CECR2: variants seen among roughly 807,000 people sequenced by gnomAD.
CECR2 encodes chromatin remodeling regulator CECR2.
In CECR2, 30 loss-of-function variants were observed where a neutral mutation model predicts 154.5. The observed-to-expected ratio is 0.19, with a 90% CI of 0.15 to 0.26. CECR2 has a LOEUF of 0.26. CECR2 is among the 10% of genes least tolerant of loss of function. CECR2 has a pLI of 1.00. For synonymous variants in CECR2, 725 were observed against 683.7 expected, an observed-to-expected ratio of 1.06 and a Z score of -0.94; for missense variants, 1,743 against 1,829.3, an observed-to-expected ratio of 0.95 and a Z score of 0.86.
intron 7 of CECR2, among the ~76,000 whole-genome samples, chr22:17,506,174 C>T (rs1005770363): frequency 3.3e-5 from 5 of 151,908 alleles, no homozygotes; most frequent in Admixed American, 2.6e-4. Flanking sequence ...GGGTCTTGCT[C>T]TATTTCCCAA....
intron 1 of CECR2, among the ~76,000 whole-genome samples, chr22:17,439,492 A>G (rs4819589): frequency 0.6 from 91,707 of 151,874 alleles, 29,153 homozygotes; most frequent in African/African-American, 0.82. Context: ...GGAACAATGG[A>G]CAAAGGATAT....
chr22:17,419,060 C>T (rs997020775), intron 1 of CECR2: 30 of 157,906 alleles, frequency 1.9e-4, no homozygotes, highest in Non-Finnish European at 3.8e-4. Flanking sequence ...ACGCGGATGA[C>T]GTGGCTGTCC....
At chr22:17,411,395 A>G (rs994064079) in intron 1 of CECR2, among the ~76,000 whole-genome samples, 2 of 152,220 alleles carry the variant, frequency 1.3e-5, no homozygotes, top group Admixed American at 6.5e-5. Context: ...GAACGAGTCC[A>G]TCAGTTCCTG....
intron 9 of CECR2, among the ~76,000 whole-genome samples, chr22:17,529,476 G>A (rs530307136): frequency 7.9e-5 from 12 of 152,282 alleles, no homozygotes; most frequent in Admixed American, 2.6e-4. Context: ...CGAAGTGGGC[G>A]AATCACGAGG....
chr22:17,402,044 C>G (rs776175005), intron 1 of CECR2, among the ~76,000 whole-genome samples: 2 of 152,124 alleles, frequency 1.3e-5, no homozygotes, highest in Admixed American at 1.3e-4. Flanking sequence ...AGTGCAGTAG[C>G]GCAGTCTCAG....
chr22:17,395,537 G>T (rs2053795655), intron 1 of CECR2, among the ~76,000 whole-genome samples: 1 of 152,030 alleles, frequency 6.6e-6, no homozygotes, highest in African/African-American at 2.4e-5. Context: ...TAGAGACAAG[G>T]TTTCACCATC....
intron 17 of CECR2, chr22:17,550,301 C>T: frequency 5.3e-6 from 1 of 188,918 alleles, no homozygotes; most frequent in Non-Finnish European, 1.1e-5. Context: ...GTGCCCGCCA[C>T]CACACCTGGC....
At chr22:17,475,750 G>C (rs1305189752) in intron 1 of CECR2, among the ~76,000 whole-genome samples, 1 of 152,136 alleles carries the variant, frequency 6.6e-6, no homozygotes, top group Non-Finnish European at 1.5e-5. Flanking sequence ...GGCTTGCCCA[G>C]TGCCCAGCTT....
chr22:17,505,864 A>G (rs1051843979), intron 7 of CECR2, among the ~76,000 whole-genome samples: 4 of 116,516 alleles, frequency 3.4e-5, no homozygotes, highest in Non-Finnish European at 6.8e-5. Context: ...TTTTTTAAGG[A>G]CAAGCTCTCT....
At chr22:17,426,569 C>T (rs1298502323) in intron 1 of CECR2, among the ~76,000 whole-genome samples, 1 of 152,204 alleles carries the variant, frequency 6.6e-6, no homozygotes, top group Non-Finnish European at 1.5e-5. Context: ...ATTGGCCAGG[C>T]TGGTCTCAAA....
chr22:17,448,328 C>T (rs1378787054), intron 1 of CECR2, among the ~76,000 whole-genome samples: 2 of 152,154 alleles, frequency 1.3e-5, no homozygotes, highest in East Asian at 1.9e-4. Context: ...AGTCTAGTTT[C>T]AACTTTGTTG....
intron 10 of CECR2, 143 bp from the exon 11 acceptor site, chr22:17,538,377 T>C (rs992690010): frequency 2.7e-5 from 20 of 732,148 alleles, no homozygotes; most frequent in Admixed American, 2.2e-5. Context: ...GGGAGTGTTA[T>C]CAGTGTCACA....
chr22:17,436,015 G>A (rs2054501613), intron 1 of CECR2, among the ~76,000 whole-genome samples: 1 of 152,118 alleles, frequency 6.6e-6, no homozygotes, highest in Non-Finnish European at 1.5e-5. Flanking sequence ...CTGGAGTGCA[G>A]TGGCACCATC....
intron 1 of CECR2, among the ~76,000 whole-genome samples, chr22:17,408,339 C>T (rs2054016718): frequency 6.6e-6 from 1 of 152,064 alleles, no homozygotes; most frequent in Admixed American, 6.6e-5. Flanking sequence ...GACTTCACAT[C>T]CCAACGTCTC....
chr22:17,549,076 T>G lies in CECR2; in HGVS notation c.3789T>G (p.Asp1263Glu), dbSNP rs1255571248. Residue 1263 changes from aspartate to glutamate, a missense_variant, in exon 17 of 19, where the codon GAT becomes GAG. Asp to Glu is a conservative substitution (Grantham distance 45). Coordinates refer to ENST00000262608, the MANE Select transcript of CECR2 (RefSeq NM_001290047.2). ...NAALTSPTRM[D>E]AVAAKVPNDG... ...CCTTAACTTCTCCAACCCGTATGGA[T>G]GCAGTGGCTGCTAAAGTCCCAAATG... 1 of 1,613,884 alleles carries G rather than the reference T, an allele frequency of 6.2e-7. No individual in the cohort carries two copies. Among genetic ancestry groups the G allele is most frequent in the African/African-American group, 1.3e-5 (1 of 74,936 alleles).
chr22:17,540,234 CAATATAA>C (rs3079569), intron 13 of CECR2, among the ~76,000 whole-genome samples, 171 bp from the exon 14 acceptor site: 9,168 of 152,246 alleles, frequency 0.06, 395 homozygotes, highest in Admixed American at 0.14. Context: ...CATAGCTCTA[CAATATAA>C]TGTGCCCTAA....
chr22:17,460,605 T>C (rs1288433088), intron 1 of CECR2, among the ~76,000 whole-genome samples: 1 of 152,234 alleles, frequency 6.6e-6, no homozygotes. Flanking sequence ...CTTCAGTTTC[T>C]TGCCCCATCA....
intron 1 of CECR2, among the ~76,000 whole-genome samples, chr22:17,447,733 G>A (rs1024798052): frequency 6.6e-6 from 1 of 152,160 alleles, no homozygotes; most frequent in African/African-American, 2.4e-5. Context: ...GTTCTCCGTG[G>A]CAGTTTTAGT....
chr22:17,369,173 C>G (rs2063023057), upstream of CECR2, among the ~76,000 whole-genome samples: 1 of 151,878 alleles, frequency 6.6e-6, no homozygotes, highest in Admixed American at 6.6e-5. Context: ...TGGGAGAGCT[C>G]CTGGCCGTCC....
Sources: allele counts gnomAD v4.1 joint callset (sites outside exome capture counted in the v4.1 genomes callset), GRCh38; gene constraint gnomAD v4.1.1; transcripts MANE v1.5; gene names NCBI Gene and HGNC (gene_info 2026-07-23, HGNC 2026-07-21).